Variants in EEF2K observed in about 807,000 individuals in gnomAD.
The protein encoded by EEF2K is eukaryotic elongation factor 2 kinase, also known as alternative protein EEF2K.
EEF2K carries 70 observed loss-of-function variants against 93.8 expected under a neutral mutation model. That is an observed-to-expected ratio of 0.75 (90% CI 0.62 to 0.91). EEF2K has a LOEUF of 0.91. Ranked by LOEUF, EEF2K falls within the 40% of genes least tolerant of loss-of-function variation. The pLI is 0.00. For missense variants in EEF2K, 935 were observed against 972.9 expected (o/e 0.96, Z 0.52); for synonymous variants, 376 against 380.8 (o/e 0.99, Z 0.15).
chr16:22,280,663 C>CTTTTTTTTTT (rs11289061), intron 17 of EEF2K, among the ~76,000 whole-genome samples: 6 of 130,186 alleles, frequency 4.6e-5, no homozygotes, highest in Non-Finnish European at 4.9e-5. Context: ...TCCTTTCTTT[C>CTTTTTTTTTT]TTTTTTTTTT....
chr16:22,238,569 C>T (rs949176530), intron 2 of EEF2K, among the ~76,000 whole-genome samples: 2 of 150,990 alleles, frequency 1.3e-5, no homozygotes, highest in Admixed American at 6.6e-5. Flanking sequence ...TTCGTTGAGC[C>T]CAGGAGTTGG....
intron 17 of EEF2K, among the ~76,000 whole-genome samples, chr16:22,282,933 A>G (rs1013620234): frequency 1.2e-4 from 19 of 152,214 alleles, no homozygotes; most frequent in Admixed American, 1.2e-3. Context: ...TATAATAAAC[A>G]TACTAAGTTC....
intron 15 of EEF2K, among the ~76,000 whole-genome samples, chr16:22,270,567 T>C (rs1359851638): frequency 2.6e-5 from 4 of 152,132 alleles, no homozygotes; most frequent in African/African-American, 7.2e-5. Context: ...CCGATTCTTT[T>C]TGACAGCTGC....
intron 12 of EEF2K, 93 bp downstream of exon 12, chr16:22,263,280 G>A: frequency 4.2e-6 from 5 of 1,177,722 alleles, no homozygotes; most frequent in Admixed American, 2.6e-5. Flanking sequence ...GGGGGAATAT[G>A]AGTGGGTCCT....
In EEF2K at chr16:22,213,729, C is replaced by T. The variant is rs181864845; in HGVS notation, c.-77+7050C>T. Among the ~76,000 whole-genome samples the T allele has an allele frequency of 2.2e-4, 33 of 152,260 alleles. No homozygotes were observed. In the East Asian group the frequency reaches 3.5e-3, roughly 16 times the overall value. ...CCTTCTCCAGATTCTAGGGGCTGTC[C>T]TCATTCCTTGGGCTCCTGGCCCCTC... is the stretch of plus-strand genomic sequence containing the variant. On this transcript the variant is annotated intron_variant, in intron 1 of 17. Coordinates refer to ENST00000263026, the MANE Select transcript of EEF2K (RefSeq NM_013302.5).
In EEF2K at chr16:22,234,899, T is replaced by TA. The variant is rs1567268322; in HGVS notation, c.246+8925dup. Among the ~76,000 whole-genome samples, 16 of 145,510 alleles carry TA rather than the reference T, an allele frequency of 1.1e-4. 1 individual carries two copies. Among genetic ancestry groups the TA allele is most frequent in the Non-Finnish European group, 1.7e-4 (11 of 65,880 alleles). On this transcript the variant is annotated intron_variant, in intron 2 of 17. Transcript: ENST00000263026. ...TTGCTTTTTTTTTTTTTTTTTTTTT[T>TA]AGGGGCGGTTTCACTCTGTTGCCCC... is the stretch of plus-strand genomic sequence containing the variant.
Position 22,286,457 on chromosome 16 carries a change from C to A in EEF2K, c.*2461C>A, listed in dbSNP as rs1363570890. 6.6e-6 allele frequency: 1 copy of A among 152,180 alleles called. No homozygotes were observed. The highest frequency in any genetic ancestry group is 1.5e-5 in the Non-Finnish European group (1 of 68,046). 9.4% of individuals were successfully genotyped at this position (152,180 alleles called of 1,614,324 possible). A position where few individuals can be genotyped will look rare whatever the true frequency, so the allele number is the denominator to read the frequency against. ...TAGTTGTATGTCATCTCTTCTCTAG[C>A]AGGAATTGGCAAACTTTTTTGTAAA... On this transcript the variant is annotated 3_prime_UTR_variant, in exon 18 of 18. Coordinates refer to ENST00000263026, the MANE Select transcript of EEF2K (RefSeq NM_013302.5).
In EEF2K at chr16:22,284,065, A is replaced by G; in HGVS notation, c.*69A>G. 7.5e-7 allele frequency: 1 copy of G among 1,327,862 alleles called. No homozygotes were observed. Among genetic ancestry groups the G allele is most frequent in the Non-Finnish European group, 1.0e-6 (1 of 957,668 alleles). The allele number at this position is 1,327,862 out of a possible 1,614,324, so 82.3% of individuals were successfully genotyped here. ...AGGAAAGATTAAAAAAACAACAACA[A>G]CAACTTATTTAGTTTGGGGAGGGGA... On this transcript the variant is annotated 3_prime_UTR_variant, in exon 18 of 18. Transcript: ENST00000263026.
At chr16:22,212,730 A>G (rs1200548912) in intron 1 of EEF2K, among the ~76,000 whole-genome samples, 4 of 152,162 alleles carry the variant, frequency 2.6e-5, no homozygotes, top group African/African-American at 9.7e-5. Context: ...ACAGTGGCTC[A>G]CACCTGTAAT....
chr16:22,211,031 A>G lies in EEF2K; in HGVS notation c.-77+4352A>G, dbSNP rs140625819. 2.0e-4 allele frequency among the ~76,000 whole-genome samples: 31 copies of G among 152,292 alleles called. 1 individual carries two copies. The East Asian group carries it at 6.0e-3, about 29-fold the overall frequency. On this transcript the variant is annotated intron_variant, in intron 1 of 17. Coordinates refer to ENST00000263026, the MANE Select transcript of EEF2K (RefSeq NM_013302.5). ...TATTTGTGCTCTTTCATTGGCCAGA[A>G]TGCAGTCACATGACCTTACCTAGCT... is the stretch of plus-strand genomic sequence containing the variant.
At chr16:22,247,391 T>C (rs1292429076) in intron 3 of EEF2K, among the ~76,000 whole-genome samples, 4 of 150,946 alleles carry the variant, frequency 2.6e-5, no homozygotes, top group Non-Finnish European at 4.4e-5. Context: ...GAGGTTGTAG[T>C]GAGCCAAGAT....
chr16:22,276,530 G>A (rs1013825355), intron 16 of EEF2K, among the ~76,000 whole-genome samples: 7 of 152,120 alleles, frequency 4.6e-5, no homozygotes, highest in Non-Finnish European at 4.4e-5. Context: ...CCAAATTTGC[G>A]TTTAAGGGAT....
intron 16 of EEF2K, among the ~76,000 whole-genome samples, chr16:22,274,156 A>G (rs778725849): frequency 6.6e-6 from 1 of 152,010 alleles, no homozygotes; most frequent in Non-Finnish European, 1.5e-5. Flanking sequence ...AAATACAAAA[A>G]TTAGGGCCGG....
At chr16:22,218,507 G>A (rs914848974) in intron 1 of EEF2K, among the ~76,000 whole-genome samples, 1 of 152,184 alleles carries the variant, frequency 6.6e-6, no homozygotes, top group African/African-American at 2.4e-5. Context: ...GCCTTGACCT[G>A]AGCATTGCAG....
At chr16:22,226,514 C>CTTATTTTTTTTT (rs1393099761) in intron 2 of EEF2K, among the ~76,000 whole-genome samples, 1 of 84,500 alleles carries the variant, frequency 1.2e-5, no homozygotes, top group Non-Finnish European at 2.2e-5. Flanking sequence ...TTTCCTTCTT[C>CTTATTTTTTTTT]TTCTTTTTTT....
intron 3 of EEF2K, among the ~76,000 whole-genome samples, chr16:22,246,515 TAA>T (rs746408835): frequency 1.1e-3 from 78 of 70,482 alleles, no homozygotes; most frequent in African/African-American, 4.5e-3. Context: ...GACTCAGTCT[TAA>T]AAAAAAAAAA....
intron 1 of EEF2K, among the ~76,000 whole-genome samples, chr16:22,216,055 A>G (rs2046955128): frequency 6.6e-6 from 1 of 152,222 alleles, no homozygotes; most frequent in African/African-American, 2.4e-5. Flanking sequence ...AGCCCACCTG[A>G]CAAGTCTATT....
At chr16:22,213,730 T>G (rs2046936033) in intron 1 of EEF2K, among the ~76,000 whole-genome samples, 1 of 152,202 alleles carries the variant, frequency 6.6e-6, no homozygotes, top group East Asian at 1.9e-4. Flanking sequence ...GGGGCTGTCC[T>G]CATTCCTTGG....
At chr16:22,257,196 C>T (rs1026251850) in intron 7 of EEF2K, 57 bp from the exon 8 acceptor site, 29 of 1,612,016 alleles carry the variant, frequency 1.8e-5, no homozygotes, top group Non-Finnish European at 2.5e-5. Flanking sequence ...GTGGCCAGTG[C>T]CTGCACAGAC....
Sources: allele counts gnomAD v4.1 joint callset (sites outside exome capture counted in the v4.1 genomes callset), GRCh38; gene constraint gnomAD v4.1.1; transcripts MANE v1.5; gene names NCBI Gene and HGNC (gene_info 2026-07-23, HGNC 2026-07-21).